The following ZNF341 variants were observed in gnomAD, a reference collection of about 807,000 sequenced individuals.
The protein encoded by ZNF341 is zinc finger protein 341.
Under a neutral mutation model 87.7 loss-of-function variants are expected in ZNF341, and 52 were observed. The ratio of observed to expected loss-of-function variants is 0.59; its 90% confidence interval spans 0.47 to 0.75. The LOEUF (loss-of-function observed/expected upper bound fraction) is 0.75, where lower values mean the gene tolerates loss of function less well. ZNF341 is among the 30% of genes least tolerant of loss of function. The pLI is 0.00. For synonymous variants in ZNF341, 459 were observed against 472.7 expected (o/e 0.97, Z 0.38); for missense variants, 977 against 1,145.9 (o/e 0.85, Z 2.13).
Position 33,761,938 on chromosome 20 carries a change from A to C in ZNF341, c.1105A>C (p.Met369Leu). Residue 369 changes from methionine (M) to leucine (L), a missense_variant, in exon 8 of 15, where the codon ATG (methionine) becomes CTG (leucine). Physicochemically the swap from Met to Leu is conservative, Grantham distance 15 (BLOSUM62 2). Coordinates refer to ENST00000375200, the MANE Select transcript of ZNF341 (RefSeq NM_001282933.2). ...FAQKSNVKKH[M>L]QTHKVWPPGH... ...CCAGAAGTCTAATGTTAAGAAACAC[A>C]TGCAGACCCACAAGGTGTGGCCTCC... The C allele has an allele frequency of 6.2e-7, 1 of 1,608,362 alleles. No homozygotes were observed.
chr20:33,758,615 G>A, intron 6 of ZNF341, 101 bp from the exon 7 acceptor site: 1 of 875,320 alleles, frequency 1.1e-6, no homozygotes, highest in Non-Finnish European at 1.8e-6. Flanking sequence ...ACTTCCCTGG[G>A]GTATGGATTG....
Position 33,745,222 on chromosome 20 carries a change from C to A in ZNF341, c.262C>A (p.Leu88Met). The change falls in exon 3 of 15, where the codon CTG becomes ATG. Residue 88 changes from leucine to methionine, a missense_variant. By Grantham distance (15) the Leu-to-Met change is conservative. Coordinates refer to ENST00000375200, the MANE Select transcript of ZNF341 (RefSeq NM_001282933.2). ...TGCCCCCGCCCTGGCCACAGTCTCACTGGCCACCAACAGCATCTACCCACC... is the reference window on the plus strand; with the variant it reads ...TGCCCCCGCCCTGGCCACAGTCTCAATGGCCACCAACAGCATCTACCCACC... ...GNAPALATVS[L>M]ATNSIYPPSA... 1 of 1,614,240 alleles carries A rather than the reference C, an allele frequency of 6.2e-7. No homozygotes were observed. The highest frequency in any genetic ancestry group is 8.5e-7 in the Non-Finnish European group (1 of 1,180,044).
At chr20:33,752,405 T>C (rs2019078333) in intron 4 of ZNF341, 12 of 625,852 alleles carry the variant, frequency 1.9e-5, no homozygotes, top group South Asian at 1.5e-4. Flanking sequence ...CCGAATCTCT[T>C]TGAGTGCCTG....
intron 5 of ZNF341, among the ~76,000 whole-genome samples, chr20:33,755,165 G>A (rs373241252): frequency 1.3e-5 from 2 of 152,060 alleles, no homozygotes; most frequent in African/African-American, 4.8e-5. Flanking sequence ...GGCTGGTCTC[G>A]AACTCCTGGC....
At chr20:33,736,513 C>T (rs1393806776) in intron 1 of ZNF341, among the ~76,000 whole-genome samples, 1 of 152,104 alleles carries the variant, frequency 6.6e-6, no homozygotes, top group Non-Finnish European at 1.5e-5. Flanking sequence ...GATTCCATCT[C>T]AAAGTGTTCA....
intron 4 of ZNF341, among the ~76,000 whole-genome samples, chr20:33,750,329 T>C: frequency 6.6e-6 from 1 of 152,212 alleles, no homozygotes; most frequent in Admixed American, 6.5e-5. Context: ...CTCCCCTTGC[T>C]GTGTCCCTGG....
intron 8 of ZNF341, among the ~76,000 whole-genome samples, chr20:33,764,571 T>A (rs1488184855): frequency 8.9e-4 from 68 of 76,226 alleles, no homozygotes; most frequent in East Asian, 6.3e-3. Flanking sequence ...ATTTTTTTTT[T>A]TTTTTTTTTT....
At chr20:33,741,912 C>T (rs1221654843) in intron 2 of ZNF341, among the ~76,000 whole-genome samples, 1 of 152,122 alleles carries the variant, frequency 6.6e-6, no homozygotes, top group East Asian at 1.9e-4. Flanking sequence ...AAAATAGGGA[C>T]AATTGTTCTG....
chr20:33,751,120 G>T (rs1035709997), intron 4 of ZNF341, among the ~76,000 whole-genome samples: 1 of 152,104 alleles, frequency 6.6e-6, no homozygotes, highest in Non-Finnish European at 1.5e-5. Flanking sequence ...ATATGGATAG[G>T]CCATCTTCTG....
intron 10 of ZNF341, among the ~76,000 whole-genome samples, chr20:33,775,463 C>A (rs2019609734): frequency 6.6e-6 from 1 of 151,370 alleles, no homozygotes; most frequent in African/African-American, 2.4e-5. Context: ...CCCACCTCGG[C>A]CTCCCAAAGT....
At position 33,791,202 on chromosome 20, in the gene ZNF341, G is replaced by A. The variant is rs528552675; in HGVS notation, c.2250G>A (p.Arg750=). The A allele has an allele frequency of 9.3e-6, 15 of 1,612,760 alleles. No homozygotes were observed. In the East Asian group the frequency reaches 2.9e-4, roughly 31 times the overall value. ...AAACCCGGCGGCCCCCCCAGAGGAG[G>A]GCAGCCCCCCGCAGTTGCGGCAGTG... ...DLQTRRPPQR[R]AAPRSCGSGG... is the part of the protein sequence containing the mutation. Residue 750 remains arginine, a synonymous_variant, in exon 15 of 15, where the codon AGG becomes AGA. Transcript: ENST00000375200.
chr20:33,759,179 C>T (rs1308228531), intron 7 of ZNF341, among the ~76,000 whole-genome samples: 2 of 152,250 alleles, frequency 1.3e-5, no homozygotes, highest in African/African-American at 2.4e-5. Flanking sequence ...GCTCTCTGCT[C>T]ACTCCAGACT....
chr20:33,788,817 C>A (rs1412516411), intron 12 of ZNF341, 46 bp from the exon 13 acceptor site: 2 of 1,558,654 alleles, frequency 1.3e-6, no homozygotes, highest in African/African-American at 1.4e-5. Context: ...GCCCTGGATG[C>A]CGACTCCTGG....
intron 10 of ZNF341, 51 bp downstream of exon 10, chr20:33,770,343 G>GGA: frequency 2.0e-6 from 1 of 511,254 alleles, no homozygotes; most frequent in Non-Finnish European, 4.0e-6. Context: ...GGTGGGCAGG[G>GGA]AGCCCAGGGC....
intron 1 of ZNF341, among the ~76,000 whole-genome samples, chr20:33,738,390 T>C (rs6059439): frequency 0.012 from 1,759 of 152,260 alleles, 43 homozygotes; most frequent in African/African-American, 0.041. Flanking sequence ...AGAATGTAGG[T>C]TCCTCTTATC....
rs34249604 is a variant in ZNF341, at chr20:33,788,422, C to CAAA, written c.1853-435_1853-433dup. On this transcript the variant is annotated intron_variant, in intron 12 of 14. Coordinates refer to ENST00000375200, the MANE Select transcript of ZNF341 (RefSeq NM_001282933.2). ...TGGGTGACAGAGCAAGGCTCTGTCT[C>CAAA]AAAAAAAATAAATAAATAAAAGCCA... 125 of 200,348 alleles carry CAAA rather than the reference C, an allele frequency of 6.2e-4. 1 individual carries two copies. Among genetic ancestry groups the CAAA allele is most frequent in the African/African-American group, 2.8e-3 (116 of 41,976 alleles). 12.4% of individuals were successfully genotyped at this position (200,348 alleles called of 1,614,324 possible).
At chr20:33,786,314 C>A (rs1207437175) in intron 12 of ZNF341, among the ~76,000 whole-genome samples, 1 of 152,118 alleles carries the variant, frequency 6.6e-6, no homozygotes, top group Non-Finnish European at 1.5e-5. Flanking sequence ...TATGTATGAA[C>A]CGTTAAATTA....
intron 8 of ZNF341, among the ~76,000 whole-genome samples, chr20:33,765,625 C>T (rs1601263537): frequency 6.6e-6 from 1 of 152,266 alleles, no homozygotes; most frequent in South Asian, 2.1e-4. Flanking sequence ...AGGGATCCTC[C>T]TTCCTCGGCC....
intron 14 of ZNF341, 83 bp downstream of exon 14, chr20:33,789,671 A>G: frequency 6.8e-7 from 1 of 1,469,432 alleles, no homozygotes; most frequent in African/African-American, 1.4e-5. Flanking sequence ...GAAAGAGCAG[A>G]CATATCCTGT....
Sources: allele counts gnomAD v4.1 joint callset (sites outside exome capture counted in the v4.1 genomes callset), GRCh38; gene constraint gnomAD v4.1.1; transcripts MANE v1.5; gene names NCBI Gene and HGNC (gene_info 2026-07-23, HGNC 2026-07-21).